ANGPT1: variants seen among roughly 807,000 people sequenced by gnomAD.
ANGPT1 encodes the protein angiopoietin-1.
In ANGPT1, 17 loss-of-function variants were observed where a neutral mutation model predicts 62.2. That is an observed-to-expected ratio of 0.27 (90% CI 0.19 to 0.41). The LOEUF is 0.41. Ranked by LOEUF, ANGPT1 falls within the 10% of genes least tolerant of loss-of-function variation. The probability of loss-of-function intolerance (pLI) is 1.00; values close to 1 mark genes in which losing one functional copy is unlikely to be tolerated. For synonymous variants in ANGPT1, 199 were observed against 198.9 expected, an observed-to-expected ratio of 1.00 and a Z score of 0.00; for missense variants, 478 against 594.9, an observed-to-expected ratio of 0.80 and a Z score of 2.04.
intron 1 of ANGPT1, among the ~76,000 whole-genome samples, chr8:107,422,290 C>T (rs1051351256): frequency 2.6e-5 from 4 of 152,086 alleles, no homozygotes; most frequent in Non-Finnish European, 4.4e-5. Flanking sequence ...AGAGGTATCA[C>T]GGTTCTGATG....
At chr8:107,484,597 A>G (rs1812770580) in intron 1 of ANGPT1, among the ~76,000 whole-genome samples, 1 of 151,992 alleles carries the variant, frequency 6.6e-6, no homozygotes, top group East Asian at 1.9e-4. Flanking sequence ...TTTGTTAGAG[A>G]CAGGGTTTCA....
intron 1 of ANGPT1, among the ~76,000 whole-genome samples, chr8:107,360,933 G>C (rs1022948250): frequency 6.6e-6 from 1 of 152,110 alleles, no homozygotes; most frequent in African/African-American, 2.4e-5. Flanking sequence ...ATGACAAGTT[G>C]ACTTATTCTT....
intron 1 of ANGPT1, among the ~76,000 whole-genome samples, chr8:107,359,900 T>C (rs1216168294): frequency 2.6e-5 from 4 of 152,184 alleles, no homozygotes; most frequent in Admixed American, 2.0e-4. Flanking sequence ...TTCAATTTTA[T>C]ACCCAGAAAT....
chr8:107,279,766 A>G (rs1813955171), intron 7 of ANGPT1, among the ~76,000 whole-genome samples: 1 of 61,462 alleles, frequency 1.6e-5, no homozygotes, highest in Non-Finnish European at 3.4e-5. Flanking sequence ...CACACACTCA[A>G]AGGAAGGGGG....
intron 1 of ANGPT1, among the ~76,000 whole-genome samples, chr8:107,364,378 T>C (rs1372275646): frequency 3.3e-5 from 5 of 152,122 alleles, no homozygotes; most frequent in Non-Finnish European, 7.4e-5. Context: ...TCTCCCAGGT[T>C]CAAGCAAGTC....
chr8:107,465,986 G>C (rs1812189179), intron 1 of ANGPT1, among the ~76,000 whole-genome samples: 2 of 152,166 alleles, frequency 1.3e-5, no homozygotes, highest in Non-Finnish European at 2.9e-5. Flanking sequence ...TTCTCCTCTG[G>C]TTAGCCGTTC....
rs114309266 is a variant in ANGPT1 at position 107,325,837 on chromosome 8, C to T, written c.576-3709G>A. 6.6e-3 allele frequency among the ~76,000 whole-genome samples: 1,002 copies of T among 151,980 alleles called. 12 individuals are homozygous for T. Among genetic ancestry groups the T allele is most frequent in the African/African-American group, 0.023 (963 of 41,424 alleles). On this transcript the variant is annotated intron_variant, in intron 3 of 8. Transcript: ENST00000517746. ...GCGGACATATGCGCAGAGATAGCTG[C>T]TATCTGAGATGTCAGTAAAGAAGGT...
At chr8:107,371,425 C>T (rs1816408949) in intron 1 of ANGPT1, among the ~76,000 whole-genome samples, 1 of 152,038 alleles carries the variant, frequency 6.6e-6, no homozygotes, top group Admixed American at 6.6e-5. Flanking sequence ...GGAAGTTGAA[C>T]CAGAAAAAAG....
chr8:107,487,290 T>A (rs1039904707), intron 1 of ANGPT1, among the ~76,000 whole-genome samples: 2 of 151,616 alleles, frequency 1.3e-5, no homozygotes, highest in Admixed American at 6.6e-5. Flanking sequence ...GGCCGGGAGG[T>A]CCCTTTGAAT....
intron 1 of ANGPT1, among the ~76,000 whole-genome samples, chr8:107,385,370 G>C (rs1454999931): frequency 6.6e-6 from 1 of 151,968 alleles, no homozygotes; most frequent in East Asian, 1.9e-4. Context: ...TGTATTCTAG[G>C]TATTTAATTC....
chr8:107,387,619 TTGTGAATAATTGA>T (rs1816756007), intron 1 of ANGPT1, among the ~76,000 whole-genome samples: 6 of 112,902 alleles, frequency 5.3e-5, no homozygotes, highest in Non-Finnish European at 1.1e-4. Flanking sequence ...TTGCTCAAGA[TTGTGAATAATTGA>T]CACTAACATT....
chr8:107,475,121 G>T (rs11774386), intron 1 of ANGPT1, among the ~76,000 whole-genome samples: 7,968 of 152,130 alleles, frequency 0.052, 235 homozygotes, highest in South Asian at 0.11. Flanking sequence ...GGGCCTGCAT[G>T]GCCAAGACAA....
At chr8:107,332,230 T>C (rs946543630) in intron 3 of ANGPT1, among the ~76,000 whole-genome samples, 1 of 152,192 alleles carries the variant, frequency 6.6e-6, no homozygotes, top group African/African-American at 2.4e-5. Context: ...CAAGGTAAAA[T>C]ATTAATGTTT....
chr8:107,284,290 A>AG (rs1230819159), intron 7 of ANGPT1: 2 of 152,950 alleles, frequency 1.3e-5, no homozygotes, highest in African/African-American at 4.8e-5. Context: ...AATTCAAGAA[A>AG]GGTCATCAAA....
Position 107,251,650 on chromosome 8 carries a change from G to T in ANGPT1, c.*205C>A. 1.7e-6 allele frequency: 1 copy of T among 579,500 alleles called. No individual in the cohort carries two copies. The highest frequency in any genetic ancestry group is 3.0e-6 in the Non-Finnish European group (1 of 337,962). 35.9% of individuals were successfully genotyped at this position (579,500 alleles called of 1,614,324 possible). On this transcript the variant is annotated 3_prime_UTR_variant, in exon 9 of 9. Coordinates refer to ENST00000517746, the MANE Select transcript of ANGPT1 (RefSeq NM_001146.5). ...GGAGTTTTCTATAGTCGAGCCACGT[G>T]AGCACTGTCACCCCAAGTAGAGACT...
At chr8:107,454,553 G>A (rs557204444) in intron 1 of ANGPT1, among the ~76,000 whole-genome samples, 6 of 152,002 alleles carry the variant, frequency 3.9e-5, no homozygotes, top group African/African-American at 1.4e-4. Flanking sequence ...TACATGTCTA[G>A]AAGTACACAC....
intron 1 of ANGPT1, among the ~76,000 whole-genome samples, chr8:107,396,775 G>T (rs952762859): frequency 6.6e-6 from 1 of 151,792 alleles, no homozygotes. Context: ...CTCCCACCAC[G>T]ACCCCCTAAA....
At chr8:107,343,306 C>T (rs373913841) in intron 2 of ANGPT1, among the ~76,000 whole-genome samples, 5 of 151,972 alleles carry the variant, frequency 3.3e-5, no homozygotes, top group African/African-American at 4.8e-5. Context: ...GGCTTCAGAC[C>T]GGGATGGTCT....
intron 1 of ANGPT1, among the ~76,000 whole-genome samples, chr8:107,464,067 AAG>A (rs1241249760): frequency 6.6e-6 from 1 of 152,174 alleles, no homozygotes; most frequent in Non-Finnish European, 1.5e-5. Flanking sequence ...TGTGGTGAGT[AAG>A]AACATAAATT....
Sources: gnomAD v4.1 joint callset for allele counts (sites outside exome capture counted in the v4.1 genomes callset) on GRCh38, gnomAD v4.1.1 for gene constraint, MANE v1.5 for transcripts, NCBI Gene and HGNC (gene_info 2026-07-23, HGNC 2026-07-21) for gene names.